The following PLXDC1 variants were observed in gnomAD, a reference collection of about 807,000 sequenced individuals.
The protein encoded by PLXDC1 is plexin domain-containing protein 1.
Under a neutral mutation model 61.3 loss-of-function variants are expected in PLXDC1, and 39 were observed. That is an observed-to-expected ratio of 0.64 (90% CI 0.49 to 0.83). The LOEUF is 0.83. Ranked by LOEUF, PLXDC1 falls within the 40% of genes least tolerant of loss-of-function variation. The pLI, the probability that PLXDC1 is intolerant of heterozygous loss-of-function variation, is 0.00. For synonymous variants in PLXDC1, 212 were observed against 254.5 expected (o/e 0.83, Z 1.59); for missense variants, 596 against 666.5 (o/e 0.89, Z 1.17).
At position 39,139,871 on chromosome 17, in the gene PLXDC1, G is replaced by A. The variant is rs554369698; in HGVS notation, c.77-39C>T. On this transcript the variant is annotated intron_variant, in intron 1 of 13. Transcript: ENST00000315392. ...ACAGAAACCTGAGTGCCAGCAGTCC[G>A]GAATGAAGATCAGGAGGGGAATCCA... 5.6e-5 allele frequency: 87 copies of A among 1,555,280 alleles called. No homozygotes were observed. In the South Asian group the frequency reaches 8.4e-4, roughly 15 times the overall value.
intron 1 of PLXDC1, among the ~76,000 whole-genome samples, chr17:39,149,062 G>A (rs2045358130): frequency 6.6e-6 from 1 of 152,070 alleles, no homozygotes; most frequent in African/African-American, 2.4e-5. Context: ...CCCCTGCTCT[G>A]CACCCCAAGG....
intron 1 of PLXDC1, among the ~76,000 whole-genome samples, chr17:39,141,366 A>G (rs1344098043): frequency 2.2e-4 from 34 of 152,204 alleles, no homozygotes; most frequent in Non-Finnish European, 2.5e-4. Context: ...TAAGTATCTC[A>G]TATAAATGGC....
chr17:39,144,498 C>T (rs1415684380), intron 1 of PLXDC1, among the ~76,000 whole-genome samples: 1 of 152,240 alleles, frequency 6.6e-6, no homozygotes, highest in African/African-American at 2.4e-5. Context: ...GCCACCCTTC[C>T]TTCCCTGTTG....
upstream of PLXDC1, chr17:39,152,718 C>T (rs1243062282): frequency 1.6e-6 from 2 of 1,219,442 alleles, no homozygotes; most frequent in East Asian, 6.4e-5. Context: ...TGGGCGGGGA[C>T]AGGAGAAGGT....
At position 39,128,091 on chromosome 17, in the gene PLXDC1, C is replaced by CATATA. The variant is rs1567769473; in HGVS notation, c.255+11562_255+11563insTATAT. On this transcript the variant is annotated intron_variant, in intron 2 of 13. Transcript: ENST00000315392. ...TGTCTCTCTCTCTCTCTCTCTCTCT[C>CATATA]TATGTGTATATATATATATATATGT... Among the ~76,000 whole-genome samples, 74 of 63,944 alleles carry CATATA rather than the reference C, an allele frequency of 1.2e-3. 1 individual carries two copies. Among genetic ancestry groups the CATATA allele is most frequent in the South Asian group, 0.011 (20 of 1,874 alleles). The allele number at this position is 63,944 out of a possible 152,430, so 41.9% of individuals were successfully genotyped here.
intron 9 of PLXDC1, chr17:39,079,577 A>G: frequency 4.4e-6 from 2 of 457,032 alleles, no homozygotes; most frequent in Middle Eastern, 6.5e-4. Context: ...CAGCAGACTT[A>G]GTCAACACCT....
At chr17:39,123,830 C>T (rs769528162) in intron 2 of PLXDC1, among the ~76,000 whole-genome samples, 1 of 152,150 alleles carries the variant, frequency 6.6e-6, no homozygotes, top group South Asian at 2.1e-4. Context: ...CTGTCACAGT[C>T]GGCCCATCAC....
Position 39,143,031 on chromosome 17 carries a change from G to C in PLXDC1, c.77-3199C>G, listed in dbSNP as rs191941319. Among the ~76,000 whole-genome samples, 913 of 152,198 alleles carry C rather than the reference G, an allele frequency of 6.0e-3. 14 individuals are homozygous for C. Among genetic ancestry groups the C allele is most frequent in the African/African-American group, 0.021 (859 of 41,526 alleles). On this transcript the variant is annotated intron_variant, in intron 1 of 13. Transcript: ENST00000315392. ...CGGGCACCCATAATCCCAGCTACTC[G>C]GGAGGCTGAGGCAGGAGAATTGCTT... is the stretch of plus-strand genomic sequence containing the variant.
chr17:39,088,371 CT>C (rs1363355058), intron 7 of PLXDC1, among the ~76,000 whole-genome samples: 1 of 152,222 alleles, frequency 6.6e-6, no homozygotes, highest in Non-Finnish European at 1.5e-5. Context: ...GCAGAAACTT[CT>C]CACAGGACCT....
chr17:39,078,095 C>A, intron 10 of PLXDC1, 47 bp from the exon 11 acceptor site: 2 of 1,497,490 alleles, frequency 1.3e-6, no homozygotes, highest in Non-Finnish European at 1.8e-6. Flanking sequence ...TTACACCTTT[C>A]CCTTCATCCT....
intron 2 of PLXDC1, among the ~76,000 whole-genome samples, chr17:39,117,311 A>G (rs920359204): frequency 3.3e-5 from 5 of 152,148 alleles, no homozygotes; most frequent in African/African-American, 9.7e-5. Context: ...TAGATGCTAA[A>G]CAGCTTCCAC....
intron 2 of PLXDC1, among the ~76,000 whole-genome samples, chr17:39,128,149 G>A (rs768641058): frequency 4.8e-3 from 234 of 49,212 alleles, no homozygotes; most frequent in South Asian, 6.7e-3. Flanking sequence ...GTATATATAT[G>A]TGTGTATATA....
At chr17:39,091,066 C>T (rs1234090613) in intron 7 of PLXDC1, among the ~76,000 whole-genome samples, 4 of 152,324 alleles carry the variant, frequency 2.6e-5, no homozygotes, top group South Asian at 2.1e-4. Context: ...TTCTGCTGCC[C>T]CCACAGTCCA....
At chr17:39,131,511 C>T (rs1177549683) in intron 2 of PLXDC1, among the ~76,000 whole-genome samples, 2 of 152,084 alleles carry the variant, frequency 1.3e-5, no homozygotes, top group African/African-American at 2.4e-5. Context: ...CACCACCATG[C>T]CCAGCTAATT....
chr17:39,127,772 A>G (rs1353702476), intron 2 of PLXDC1, among the ~76,000 whole-genome samples: 2 of 151,422 alleles, frequency 1.3e-5, no homozygotes, highest in South Asian at 2.1e-4. Context: ...TGGCTAACAC[A>G]GTGAAACCCC....
intron 2 of PLXDC1, among the ~76,000 whole-genome samples, chr17:39,109,993 A>G (rs1455407875): frequency 2.0e-5 from 3 of 152,088 alleles, no homozygotes; most frequent in Non-Finnish European, 4.4e-5. Context: ...ATATACAAAA[A>G]TTAGTGTGGC....
At chr17:39,107,859 G>T (rs976369874) in intron 5 of PLXDC1, 3 of 572,132 alleles carry the variant, frequency 5.2e-6, no homozygotes, top group African/African-American at 1.9e-5. Context: ...CCTGGTGAAT[G>T]TAAGTAACAA....
intron 2 of PLXDC1, among the ~76,000 whole-genome samples, chr17:39,129,754 A>C (rs1911496520): frequency 6.7e-6 from 1 of 149,464 alleles, no homozygotes; most frequent in Admixed American, 6.7e-5. Flanking sequence ...AAGAAAAGCA[A>C]GAAAGAAAGA....
intron 2 of PLXDC1, among the ~76,000 whole-genome samples, chr17:39,127,975 A>G (rs1330415573): frequency 6.8e-6 from 1 of 146,102 alleles, no homozygotes; most frequent in Non-Finnish European, 1.5e-5. Context: ...AAGATGCTCA[A>G]TATCAGTATT....
Sources: gnomAD v4.1 joint callset for allele counts (sites outside exome capture counted in the v4.1 genomes callset) on GRCh38, gnomAD v4.1.1 for gene constraint, MANE v1.5 for transcripts, NCBI Gene and HGNC (gene_info 2026-07-23, HGNC 2026-07-21) for gene names.